The following TSGA10 variants were observed in gnomAD, a reference collection of about 807,000 sequenced individuals.
The protein encoded by TSGA10 is testis specific 10.
TSGA10 carries 43 observed loss-of-function variants against 96.6 expected under a neutral mutation model. That is an observed-to-expected ratio of 0.44 (90% CI 0.35 to 0.57). TSGA10 has a LOEUF of 0.57. Among genes scored for constraint, TSGA10 ranks in the 20% least tolerant of loss-of-function variants. The pLI is 0.01. For missense variants in TSGA10, 703 were observed against 834.4 expected (o/e 0.84, Z 1.94); for synonymous variants, 229 against 269.9 (o/e 0.85, Z 1.48).
chr2:99,042,808 A>T (rs1320644408), intron 16 of TSGA10, among the ~76,000 whole-genome samples: 1 of 150,832 alleles, frequency 6.6e-6, no homozygotes, highest in Non-Finnish European at 1.5e-5. Flanking sequence ...GGTTCAAGTG[A>T]TTCTCCTGCC....
At chr2:99,046,353 C>T (rs1327753220) in intron 16 of TSGA10, among the ~76,000 whole-genome samples, 2 of 152,102 alleles carry the variant, frequency 1.3e-5, no homozygotes, top group Non-Finnish European at 2.9e-5. Context: ...TGTAAAAGAA[C>T]AGAAATTATA....
intron 16 of TSGA10, among the ~76,000 whole-genome samples, chr2:99,045,260 G>A (rs980987609): frequency 2.0e-5 from 3 of 152,134 alleles, no homozygotes; most frequent in African/African-American, 7.2e-5. Flanking sequence ...CTCGAGAAGG[G>A]CAACTCCAAG....
At chr2:99,061,637 A>T (rs2084705196) in intron 16 of TSGA10, among the ~76,000 whole-genome samples, 1 of 152,188 alleles carries the variant, frequency 6.6e-6, no homozygotes, top group Non-Finnish European at 1.5e-5. Flanking sequence ...TTCCACTCCT[A>T]GTTATTTATC....
chr2:99,077,001 T>C (rs770375705), intron 12 of TSGA10, among the ~76,000 whole-genome samples: 7 of 152,128 alleles, frequency 4.6e-5, no homozygotes, highest in Non-Finnish European at 1.0e-4. Context: ...GAATCAGGTG[T>C]GTTTTTGCCC....
chr2:99,127,069 G>C lies in TSGA10; in HGVS notation c.-513C>G, dbSNP rs867343511. On this transcript the variant is annotated 5_prime_UTR_variant, in exon 2 of 21. Coordinates refer to ENST00000393483, the MANE Select transcript of TSGA10 (RefSeq NM_025244.4). ...CAACCTGTAATTTCAGTGTCGAGAT[G>C]AATCTATCTTGGTTTCTCACTTCTT... is the stretch of plus-strand genomic sequence containing the variant. The C allele has an allele frequency of 3.1e-6, 4 of 1,289,348 alleles. No homozygotes were observed. Among genetic ancestry groups the C allele is most frequent in the Non-Finnish European group, 4.0e-6 (4 of 988,724 alleles). 79.9% of individuals were successfully genotyped at this position (1,289,348 alleles called of 1,614,324 possible). A position where few individuals can be genotyped will look rare whatever the true frequency, so the allele number is the denominator to read the frequency against.
intron 20 of TSGA10, among the ~76,000 whole-genome samples, chr2:99,007,189 G>A (rs1042731579): frequency 6.6e-6 from 1 of 152,114 alleles, no homozygotes; most frequent in South Asian, 2.1e-4. Flanking sequence ...AATACCTAAT[G>A]TAAATGACGA....
At chr2:99,032,185 C>T (rs373801913) in intron 17 of TSGA10, among the ~76,000 whole-genome samples, 1 of 152,056 alleles carries the variant, frequency 6.6e-6, no homozygotes, top group Non-Finnish European at 1.5e-5. Flanking sequence ...TTACCACTTC[C>T]ATCCGTGTCT....
Position 99,081,254 on chromosome 2 carries a change from A to G in TSGA10, c.727+28T>C, listed in dbSNP as rs773435147. ...TTGCTACCAAACTTAAGAAAAACTA[A>G]AAGTAATATTAAGAGAAAAAAACTC... On this transcript the variant is annotated intron_variant, in intron 11 of 20. Transcript: ENST00000393483. The G allele has an allele frequency of 2.3e-6, 3 of 1,285,158 alleles. No individual in the cohort carries two copies. In the Admixed American group the frequency reaches 6.6e-5, roughly 28 times the overall value. The allele number at this position is 1,285,158 out of a possible 1,614,324, so 79.6% of individuals were successfully genotyped here. A position where few individuals can be genotyped will look rare whatever the true frequency, so the allele number is the denominator to read the frequency against.
intron 1 of TSGA10, among the ~76,000 whole-genome samples, chr2:99,149,714 T>C (rs2093670862): frequency 6.6e-6 from 1 of 151,326 alleles, no homozygotes; most frequent in Admixed American, 6.6e-5. Flanking sequence ...AGTGCTGGGA[T>C]TACAGGTGTG....
intron 1 of TSGA10, chr2:99,150,987 T>A (rs981586725): frequency 1.9e-6 from 1 of 517,800 alleles, no homozygotes; most frequent in Non-Finnish European, 3.5e-6. Context: ...ACACTGCATT[T>A]TTTTATGATG....
intron 16 of TSGA10, among the ~76,000 whole-genome samples, chr2:99,045,451 T>C (rs557158526): frequency 7.5e-4 from 114 of 152,278 alleles, no homozygotes; most frequent in Non-Finnish European, 1.3e-3. Flanking sequence ...AGAAAAGAAT[T>C]TTCAACGCAG....
At chr2:99,081,454 G>A in intron 10 of TSGA10, 57 bp from the exon 11 acceptor site, 2 of 947,840 alleles carry the variant, frequency 2.1e-6, no homozygotes, top group Non-Finnish European at 1.6e-6. Flanking sequence ...TCATCTTGTA[G>A]TGTGTTTAAA....
At chr2:99,075,943 C>A (rs2104551700) in intron 12 of TSGA10, among the ~76,000 whole-genome samples, 1 of 152,116 alleles carries the variant, frequency 6.6e-6, no homozygotes, top group African/African-American at 2.4e-5. Flanking sequence ...ACCTAAAAAA[C>A]CTAAAATTTC....
chr2:98,998,090 T>G lies in TSGA10; in HGVS notation c.*107A>C, dbSNP rs1168434219. On this transcript the variant is annotated 3_prime_UTR_variant, in exon 21 of 21. Transcript: ENST00000393483. ...AGAGACACAAAGTTAATAAATACAT[T>G]TAACATTGCCAAGCATTTAAAAGAT... 4.2e-6 allele frequency: 4 copies of G among 950,506 alleles called. No homozygotes were observed. Among genetic ancestry groups the G allele is most frequent in the East Asian group, 4.9e-5 (2 of 41,082 alleles). 58.9% of individuals were successfully genotyped at this position (950,506 alleles called of 1,614,324 possible). A position where few individuals can be genotyped will look rare whatever the true frequency, so the allele number is the denominator to read the frequency against.
chr2:99,136,495 A>C (rs1299327794), intron 1 of TSGA10, among the ~76,000 whole-genome samples: 1 of 152,166 alleles, frequency 6.6e-6, no homozygotes, highest in Non-Finnish European at 1.5e-5. Flanking sequence ...ACTGAGAAAG[A>C]AGCTACAAAA....
chr2:99,149,449 T>TC (rs894526230), intron 1 of TSGA10, among the ~76,000 whole-genome samples: 2 of 150,764 alleles, frequency 1.3e-5, no homozygotes, highest in Non-Finnish European at 3.0e-5. Context: ...CATCTTTTTT[T>TC]TTTTTTTTTT....
intron 10 of TSGA10, among the ~76,000 whole-genome samples, chr2:99,094,532 C>T (rs1402035781): frequency 6.6e-6 from 1 of 151,798 alleles, no homozygotes; most frequent in Non-Finnish European, 1.5e-5. Context: ...AGAATCTACA[C>T]GGAACTCAAA....
intron 17 of TSGA10, among the ~76,000 whole-genome samples, chr2:99,033,384 T>C (rs111264502): frequency 9.2e-5 from 14 of 152,270 alleles, no homozygotes; most frequent in African/African-American, 3.1e-4. Flanking sequence ...AGTTTTTGAG[T>C]TATGAGAGCA....
At chr2:99,099,222 G>A (rs544001692) in intron 10 of TSGA10, among the ~76,000 whole-genome samples, 3 of 152,204 alleles carry the variant, frequency 2.0e-5, no homozygotes, top group Non-Finnish European at 4.4e-5. Context: ...TGAGGCAGGA[G>A]AATCACTTGA....
Sources: gnomAD v4.1 joint callset for allele counts (sites outside exome capture counted in the v4.1 genomes callset) on GRCh38, gnomAD v4.1.1 for gene constraint, MANE v1.5 for transcripts, NCBI Gene and HGNC (gene_info 2026-07-23, HGNC 2026-07-21) for gene names.